The following CLNK variants were observed in gnomAD, a reference collection of about 807,000 sequenced individuals.
The protein encoded by CLNK is cytokine-dependent hematopoietic cell linker.
A neutral mutation model predicts 68.6 loss-of-function variants in CLNK; 74 were observed. The ratio of observed to expected loss-of-function variants is 1.08; its 90% CI spans 0.89 to 1.31. CLNK has a LOEUF of 1.31. Ranked by LOEUF, CLNK falls within the 50% of genes most tolerant of loss-of-function variation. CLNK has a pLI of 0.00. For synonymous variants in CLNK, 198 were observed against 172.2 expected (o/e 1.15, Z -1.17); for missense variants, 553 against 515.3 (o/e 1.07, Z -0.71).
intron 11 of CLNK, among the ~76,000 whole-genome samples, chr4:10,539,759 C>G (rs543456131): frequency 2.0e-5 from 3 of 152,108 alleles, no homozygotes; most frequent in African/African-American, 7.2e-5. Flanking sequence ...ATGTTTTTGA[C>G]AAAAGAGTTT....
chr4:10,486,504 A>G lies in CLNK; in HGVS notation c.*3963T>C, dbSNP rs568001401. ...TGCTCAGAATAAAAAAGATATACAA[A>G]TATAATGCTAATATACAATATAGGC... On this transcript the variant is annotated 3_prime_UTR_variant, in exon 19 of 19. Transcript: ENST00000226951. The G allele has an allele frequency of 2.9e-5, 4 of 137,680 alleles. No individual in the cohort carries two copies. Among genetic ancestry groups the G allele is most frequent in the African/African-American group, 1.4e-4 (4 of 28,338 alleles). 8.5% of individuals were successfully genotyped at this position (137,680 alleles called of 1,614,324 possible). A position where few individuals can be genotyped will look rare whatever the true frequency, so the allele number is the denominator to read the frequency against.
At chr4:10,498,087 C>T (rs1716886116) in intron 18 of CLNK, among the ~76,000 whole-genome samples, 1 of 152,134 alleles carries the variant, frequency 6.6e-6, no homozygotes, top group African/African-American at 2.4e-5. Flanking sequence ...CCCAGCTACT[C>T]GGGAGGCTGA....
intron 17 of CLNK, 120 bp from the exon 18 acceptor site, chr4:10,501,531 C>T: frequency 3.2e-6 from 3 of 951,374 alleles, no homozygotes; most frequent in Non-Finnish European, 3.1e-6. Flanking sequence ...TTTGGTAAAC[C>T]ACTTTAATTC....
chr4:10,503,325 G>A (rs950230203), intron 17 of CLNK, among the ~76,000 whole-genome samples: 27 of 151,810 alleles, frequency 1.8e-4, no homozygotes, highest in African/African-American at 6.3e-4. Context: ...AGCCAGGCAT[G>A]GTATCATGTC....
At chr4:10,528,033 G>A (rs1718391104) in intron 13 of CLNK, 43 bp downstream of exon 13, 2 of 1,134,900 alleles carry the variant, frequency 1.8e-6, no homozygotes, top group Middle Eastern at 2.1e-4. Context: ...AGAGAACCTA[G>A]TCTATTAGTA....
chr4:10,691,188 T>A, the CLNK span, among the ~76,000 whole-genome samples: 3 of 152,158 alleles, frequency 2.0e-5, no homozygotes, highest in East Asian at 5.8e-4. Flanking sequence ...GGGATATACA[T>A]ATATATAAGT....
At chr4:10,726,028 G>T in the CLNK span, among the ~76,000 whole-genome samples, 6 of 152,108 alleles carry the variant, frequency 3.9e-5, no homozygotes, top group African/African-American at 9.7e-5. Flanking sequence ...AGCAAGGTGT[G>T]GGCAGGGCTG....
intron 11 of CLNK, among the ~76,000 whole-genome samples, chr4:10,534,542 C>T (rs1199200096): frequency 6.6e-6 from 1 of 152,174 alleles, no homozygotes. Context: ...GTTAAATTCT[C>T]TCTCTGAAGC....
intron 17 of CLNK, among the ~76,000 whole-genome samples, chr4:10,502,804 G>T (rs931471020): frequency 2.0e-5 from 3 of 151,960 alleles, no homozygotes; most frequent in Admixed American, 1.3e-4. Context: ...GCCAGTATAG[G>T]GCAAGGAAGC....
At chr4:10,575,921 T>G (rs1720544832) in intron 4 of CLNK, among the ~76,000 whole-genome samples, 1 of 152,358 alleles carries the variant, frequency 6.6e-6, no homozygotes, top group South Asian at 2.1e-4. Context: ...TTTTTTTTTA[T>G]GTTTCTCCAT....
At chr4:10,715,365 C>T in the CLNK span, among the ~76,000 whole-genome samples, 15 of 152,242 alleles carry the variant, frequency 9.9e-5, no homozygotes, top group East Asian at 1.9e-4. Context: ...CATAATAGAA[C>T]GGATAAGGGC....
chr4:10,527,937 C>T (rs995962044), intron 13 of CLNK, 139 bp downstream of exon 13: 7 of 394,036 alleles, frequency 1.8e-5, no homozygotes, highest in African/African-American at 1.0e-4. Flanking sequence ...ATCAGGATCA[C>T]GTCATCGTTC....
chr4:10,692,969 G>T, the CLNK span, among the ~76,000 whole-genome samples: 1 of 152,184 alleles, frequency 6.6e-6, no homozygotes, highest in Admixed American at 6.5e-5. Flanking sequence ...TTGAGAGATT[G>T]TTTTATGTGG....
At chr4:10,613,131 G>T (rs879331158) in intron 2 of CLNK, among the ~76,000 whole-genome samples, 1 of 152,162 alleles carries the variant, frequency 6.6e-6, no homozygotes, top group African/African-American at 2.4e-5. Flanking sequence ...TCTATCCATG[G>T]AACAGAGAAG....
At chr4:10,638,497 T>A (rs1275042362) in intron 2 of CLNK, among the ~76,000 whole-genome samples, 4 of 152,206 alleles carry the variant, frequency 2.6e-5, no homozygotes, top group African/African-American at 9.6e-5. Flanking sequence ...GGAACTAGAA[T>A]TTGTGATTCG....
intron 13 of CLNK, 141 bp from the exon 14 acceptor site, chr4:10,526,063 T>C (rs1377680410): frequency 6.6e-6 from 4 of 607,808 alleles, no homozygotes; most frequent in African/African-American, 1.9e-5. Context: ...CGGTGGAAAC[T>C]ATAACTCATG....
chr4:10,530,167 C>T (rs536461347), intron 12 of CLNK, among the ~76,000 whole-genome samples: 2 of 152,148 alleles, frequency 1.3e-5, no homozygotes, highest in East Asian at 1.9e-4. Context: ...ACCTAGACTT[C>T]GGGATTTCCA....
At chr4:10,646,314 A>T (rs993847165) in intron 2 of CLNK, among the ~76,000 whole-genome samples, 3 of 152,202 alleles carry the variant, frequency 2.0e-5, no homozygotes, top group African/African-American at 7.2e-5. Flanking sequence ...AATAAAACAC[A>T]ACCCAAAAGA....
chr4:10,676,980 ATT>A (rs10647095), intron 1 of CLNK, among the ~76,000 whole-genome samples: 4 of 143,472 alleles, frequency 2.8e-5, no homozygotes, highest in African/African-American at 2.6e-5. Flanking sequence ...TCTCGCCCCT[ATT>A]TTTTTTTTTT....
Sources: allele counts gnomAD v4.1 joint callset (sites outside exome capture counted in the v4.1 genomes callset), GRCh38; gene constraint gnomAD v4.1.1; transcripts MANE v1.5; gene names NCBI Gene and HGNC (gene_info 2026-07-23, HGNC 2026-07-21).